The following FRMD6 variants were observed in gnomAD, a reference collection of about 807,000 sequenced individuals.
The protein encoded by FRMD6 is FERM domain-containing protein 6.
A neutral mutation model predicts 73.2 loss-of-function variants in FRMD6; 37 were observed. The observed-to-expected ratio is 0.51, with a 90% CI of 0.39 to 0.66. The LOEUF (loss-of-function observed/expected upper bound fraction) is 0.66. FRMD6 is among the 30% of genes least tolerant of loss of function. FRMD6 has a pLI of 0.00. For synonymous variants in FRMD6, 273 were observed against 282.2 expected (o/e 0.97, Z 0.33); for missense variants, 714 against 780.5 (o/e 0.91, Z 1.02).
intron 1 of FRMD6, among the ~76,000 whole-genome samples, chr14:51,532,292 C>T (rs1720062449): frequency 6.7e-6 from 1 of 150,094 alleles, no homozygotes; most frequent in African/African-American, 2.5e-5. Flanking sequence ...TGGCGTGAAC[C>T]CAGGAGGTGG....
chr14:51,704,041 T>C (rs1404236723), intron 5 of FRMD6, among the ~76,000 whole-genome samples: 1 of 152,136 alleles, frequency 6.6e-6, no homozygotes, highest in Non-Finnish European at 1.5e-5. Context: ...GAGATTGTAA[T>C]GAGTGCTCTG....
chr14:51,597,581 G>A (rs1203587122), intron 2 of FRMD6, among the ~76,000 whole-genome samples: 1 of 152,208 alleles, frequency 6.6e-6, no homozygotes, highest in Non-Finnish European at 1.5e-5. Flanking sequence ...AGGCCATCCT[G>A]GTCAATGACT....
At position 51,587,468 on chromosome 14, in the gene FRMD6, C is replaced by A. The variant is rs113111760; in HGVS notation, c.-147+17058C>A. Among the ~76,000 whole-genome samples, 476 of 152,236 alleles carry A rather than the reference C, an allele frequency of 3.1e-3. 1 individual carries two copies. Among genetic ancestry groups the A allele is most frequent in the African/African-American group, 0.011 (446 of 41,534 alleles). On this transcript the variant is annotated intron_variant, in intron 2 of 14. Transcript: ENST00000356218. ...GGTGGCTGGTGCGAAATTGACCAAC[C>A]CTAAATATTAGTATAGCTTAGTTAA...
chr14:51,495,910 G>A (rs117348149), intron 1 of FRMD6, among the ~76,000 whole-genome samples: 2,149 of 152,208 alleles, frequency 0.014, 47 homozygotes, highest in Non-Finnish European at 0.018. Context: ...TTATTTATTG[G>A]TTTAGGTGGT....
At chr14:51,587,694 C>T (rs1183834029) in intron 2 of FRMD6, among the ~76,000 whole-genome samples, 1 of 152,084 alleles carries the variant, frequency 6.6e-6, no homozygotes, top group African/African-American at 2.4e-5. Flanking sequence ...CCAAACCTAT[C>T]TGTTTATGGG....
chr14:51,678,586 T>G (rs190139441), intron 1 of FRMD6, among the ~76,000 whole-genome samples: 28 of 152,234 alleles, frequency 1.8e-4, no homozygotes, highest in African/African-American at 5.1e-4. Context: ...AGGGATTCAT[T>G]CACATTTCTG....
In FRMD6 at chr14:51,635,289, TG is replaced by T. The variant is rs542448300; in HGVS notation, c.-146-54400del. On this transcript the variant is annotated intron_variant, in intron 2 of 14. Coordinates refer to the FRMD6 transcript ENST00000356218. ...CGTGTGCCTGTGATCCCAGCCACTC[TG>T]GAGACTGAGGCAAGAGGATCGTTTG... is the stretch of plus-strand genomic sequence containing the variant. Among the ~76,000 whole-genome samples, 28 of 152,342 alleles carry T rather than the reference TG, an allele frequency of 1.8e-4. No individual in the cohort carries two copies. In the South Asian group the frequency reaches 5.6e-3, roughly 30 times the overall value.
chr14:51,654,441 A>T (rs1892677557), intron 1 of FRMD6, among the ~76,000 whole-genome samples: 1 of 152,176 alleles, frequency 6.6e-6, no homozygotes, highest in Non-Finnish European at 1.5e-5. Context: ...GAAAGTTTCA[A>T]ACATAATTGT....
At chr14:51,636,269 C>A (rs556028972) in intron 2 of FRMD6, among the ~76,000 whole-genome samples, 1 of 152,124 alleles carries the variant, frequency 6.6e-6, no homozygotes, top group African/African-American at 2.4e-5. Context: ...GACCTAAGGG[C>A]AGGATTTAAA....
chr14:51,642,757 G>A (rs1209903362), intron 2 of FRMD6, among the ~76,000 whole-genome samples: 3 of 152,110 alleles, frequency 2.0e-5, no homozygotes, highest in Admixed American at 6.5e-5. Flanking sequence ...ATATTTTAGA[G>A]GAATAATTTG....
chr14:51,699,882 A>G (rs181648706), intron 3 of FRMD6, among the ~76,000 whole-genome samples: 1 of 152,158 alleles, frequency 6.6e-6, no homozygotes. Flanking sequence ...TTAATCAGTG[A>G]TATGAGAGAT....
the FRMD6 span, among the ~76,000 whole-genome samples, chr14:51,403,140 A>G: frequency 2.0e-5 from 3 of 152,334 alleles, no homozygotes; most frequent in South Asian, 6.2e-4. Context: ...ATATATAAAC[A>G]TGTGTAAGAT....
At chr14:51,411,184 CT>C in the FRMD6 span, among the ~76,000 whole-genome samples, 1 of 152,268 alleles carries the variant, frequency 6.6e-6, no homozygotes, top group African/African-American at 2.4e-5. Flanking sequence ...AACGAGTGGT[CT>C]CATAAGCAAA....
intron 1 of FRMD6, among the ~76,000 whole-genome samples, chr14:51,535,148 C>G (rs1885807927): frequency 1.3e-5 from 2 of 152,146 alleles, no homozygotes; most frequent in South Asian, 4.1e-4. Flanking sequence ...ACTCTCATGG[C>G]TTCCAGGGTC....
chr14:51,517,931 C>A (rs1232187054), intron 1 of FRMD6, among the ~76,000 whole-genome samples: 1 of 152,178 alleles, frequency 6.6e-6, no homozygotes, highest in Non-Finnish European at 1.5e-5. Flanking sequence ...GCCTCATTGT[C>A]CCTCCAAGCA....
chr14:51,507,085 C>CAG (rs1566783148), intron 1 of FRMD6, among the ~76,000 whole-genome samples: 1 of 13,134 alleles, frequency 7.6e-5, no homozygotes, highest in Non-Finnish European at 1.2e-4. Flanking sequence ...GTTGTATAGA[C>CAG]ACACACACAC....
chr14:51,680,665 A>C (rs1323738739), intron 1 of FRMD6, among the ~76,000 whole-genome samples: 1 of 151,774 alleles, frequency 6.6e-6, no homozygotes, highest in Non-Finnish European at 1.5e-5. Context: ...TGCTAGTCCT[A>C]TTCTAAAATT....
At chr14:51,628,908 G>C (rs551203517) in intron 2 of FRMD6, among the ~76,000 whole-genome samples, 1 of 111,574 alleles carries the variant, frequency 9.0e-6, no homozygotes, top group Admixed American at 1.3e-4. Flanking sequence ...ACGGAGTCTC[G>C]CTCCGTTTTC....
intron 1 of FRMD6, among the ~76,000 whole-genome samples, chr14:51,543,459 T>C (rs963321844): frequency 6.6e-6 from 1 of 152,022 alleles, no homozygotes; most frequent in Admixed American, 6.6e-5. Context: ...GACTTACCTG[T>C]TATAGTTTCA....
Sources: allele counts gnomAD v4.1 joint callset (sites outside exome capture counted in the v4.1 genomes callset), GRCh38; gene constraint gnomAD v4.1.1; transcripts MANE v1.5; gene names NCBI Gene and HGNC (gene_info 2026-07-23, HGNC 2026-07-21).